The following PPM1H variants were observed in gnomAD, a reference collection of about 807,000 sequenced individuals.
The protein encoded by PPM1H is protein phosphatase 1H.
In PPM1H, 27 loss-of-function variants were observed where a neutral mutation model predicts 54.9. That is an observed-to-expected ratio of 0.49 (90% CI 0.36 to 0.68). The LOEUF is 0.68. PPM1H is among the 30% of genes least tolerant of loss of function. The pLI is 0.00. For missense variants in PPM1H, 596 were observed against 667.8 expected, an observed-to-expected ratio of 0.89 and a Z score of 1.19; for synonymous variants, 305 against 270.8, an observed-to-expected ratio of 1.13 and a Z score of -1.24.
chr12:62,912,972 C>T (rs1271367871), intron 1 of PPM1H, among the ~76,000 whole-genome samples: 1 of 152,160 alleles, frequency 6.6e-6, no homozygotes, highest in Non-Finnish European at 1.5e-5. Context: ...ATAATTTATA[C>T]TCACATTTTG....
chr12:62,679,111 C>T (rs1454354521), intron 8 of PPM1H, among the ~76,000 whole-genome samples: 4 of 152,090 alleles, frequency 2.6e-5, no homozygotes, highest in South Asian at 4.1e-4. Context: ...CTCAGCCTCC[C>T]GAGTAGCTGG....
chr12:62,853,574 T>G (rs972879949), intron 1 of PPM1H, among the ~76,000 whole-genome samples: 2 of 150,432 alleles, frequency 1.3e-5, no homozygotes, highest in Non-Finnish European at 3.0e-5. Context: ...TCAAATGTAG[T>G]TCTCGGTTTC....
chr12:62,922,787 G>T (rs1871841874), intron 1 of PPM1H, among the ~76,000 whole-genome samples: 1 of 152,170 alleles, frequency 6.6e-6, no homozygotes, highest in South Asian at 2.1e-4. Context: ...TACTTCAGAA[G>T]TATGGAAAAC....
intron 6 of PPM1H, among the ~76,000 whole-genome samples, chr12:62,698,852 T>G (rs903060511): frequency 2.0e-5 from 3 of 152,208 alleles, no homozygotes; most frequent in South Asian, 2.1e-4. Flanking sequence ...TATTTTACCC[T>G]GAAGGGAGGA....
intron 9 of PPM1H, among the ~76,000 whole-genome samples, chr12:62,665,328 G>C (rs760091930): frequency 2.0e-5 from 3 of 152,044 alleles, no homozygotes; most frequent in South Asian, 4.1e-4. Context: ...GGATTACAGG[G>C]ATGAGCCACA....
chr12:62,776,109 C>G (rs564195097), intron 4 of PPM1H, among the ~76,000 whole-genome samples: 1 of 152,082 alleles, frequency 6.6e-6, no homozygotes, highest in Non-Finnish European at 1.5e-5. Context: ...TACTCCCCCA[C>G]GACTCAGTTA....
At chr12:62,932,034 C>T (rs1373475986) in intron 1 of PPM1H, among the ~76,000 whole-genome samples, 2 of 150,898 alleles carry the variant, frequency 1.3e-5, no homozygotes, top group East Asian at 3.9e-4. Context: ...AAACATTGAA[C>T]CCTCATTACT....
At chr12:62,852,747 C>A (rs917613383) in intron 1 of PPM1H, among the ~76,000 whole-genome samples, 9 of 152,206 alleles carry the variant, frequency 5.9e-5, no homozygotes, top group Non-Finnish European at 8.8e-5. Context: ...GATAAACATA[C>A]CTTTACAAGG....
At chr12:62,715,597 A>G (rs528676257) in intron 6 of PPM1H, among the ~76,000 whole-genome samples, 2 of 152,248 alleles carry the variant, frequency 1.3e-5, no homozygotes, top group African/African-American at 2.4e-5. Context: ...AAGGATCCCC[A>G]TTAAGAGGCA....
intron 4 of PPM1H, among the ~76,000 whole-genome samples, chr12:62,749,231 A>T (rs1189579211): frequency 6.6e-6 from 1 of 152,218 alleles, no homozygotes; most frequent in Admixed American, 6.5e-5. Flanking sequence ...CACTGTTAAG[A>T]GTATTCATGG....
At chr12:62,875,071 A>C (rs182911323) in intron 1 of PPM1H, among the ~76,000 whole-genome samples, 264 of 152,354 alleles carry the variant, frequency 1.7e-3, no homozygotes, top group African/African-American at 6.1e-3. Flanking sequence ...GCAGATGGCC[A>C]TTCAGTACGT....
chr12:62,898,779 T>C (rs1013104641), intron 1 of PPM1H, among the ~76,000 whole-genome samples: 1 of 152,334 alleles, frequency 6.6e-6, no homozygotes, highest in South Asian at 2.1e-4. Flanking sequence ...GTATGACTCA[T>C]GGAAACTTCA....
rs1419058665 is a variant in PPM1H at position 62,644,009 on chromosome 12, TATATA to T, written c.*4475_*4479del. ...TTGCTGAATATGTCGTATATACATA[TATATA>T]ATATTTTATTTTAAAATGTCATTGA... On this transcript the variant is annotated 3_prime_UTR_variant, in exon 10 of 10. Coordinates refer to ENST00000228705, the MANE Select transcript of PPM1H (RefSeq NM_020700.2). 1.3e-5 allele frequency: 2 copies of T among 152,170 alleles called. No homozygotes were observed. The highest frequency in any genetic ancestry group is 2.9e-5 in the Non-Finnish European group (2 of 68,042). 9.4% of individuals were successfully genotyped at this position (152,170 alleles called of 1,614,324 possible). A position where few individuals can be genotyped will look rare whatever the true frequency, so the allele number is the denominator to read the frequency against.
Position 62,720,714 on chromosome 12 carries a change from T to C in PPM1H, c.955-425A>G, listed in dbSNP as rs77777493. The C allele has an allele frequency of 4.6e-3, 799 of 173,196 alleles. 2 individuals are homozygous for C. Among genetic ancestry groups the C allele is most frequent in the Middle Eastern group, 8.7e-3 (3 of 346 alleles). The allele number at this position is 173,196 out of a possible 1,614,324, so 10.7% of individuals were successfully genotyped here. ...TTTGAAACCTGTGTGTGAGCTTCCA[T>C]GTAAACACAATGGCTTGAGTGCTGG... is the stretch of plus-strand genomic sequence containing the variant. On this transcript the variant is annotated intron_variant, in intron 5 of 9. Transcript: ENST00000228705.
At chr12:62,729,170 C>T (rs1346504177) in intron 5 of PPM1H, among the ~76,000 whole-genome samples, 1 of 151,032 alleles carries the variant, frequency 6.6e-6, no homozygotes, top group East Asian at 1.9e-4. Context: ...CTGAGGGCGG[C>T]TTACGGGCAG....
chr12:62,871,511 CTTTTT>C (rs375570472), intron 1 of PPM1H, among the ~76,000 whole-genome samples: 4 of 119,160 alleles, frequency 3.4e-5, no homozygotes, highest in Non-Finnish European at 5.2e-5. Context: ...AACTGTGGTA[CTTTTT>C]TTTTTTTTTT....
intron 1 of PPM1H, among the ~76,000 whole-genome samples, chr12:62,856,429 TC>T (rs1429729828): frequency 6.6e-6 from 1 of 152,206 alleles, no homozygotes; most frequent in Non-Finnish European, 1.5e-5. Context: ...ATGCCCAGTG[TC>T]CCACAAACCA....
chr12:62,697,975 G>T (rs559459176), intron 6 of PPM1H, among the ~76,000 whole-genome samples: 1 of 152,174 alleles, frequency 6.6e-6, no homozygotes, highest in South Asian at 2.1e-4. Context: ...GAAAAAAAAT[G>T]CAAGGCTTAA....
intron 1 of PPM1H, among the ~76,000 whole-genome samples, chr12:62,900,423 T>A (rs999264875): frequency 1.3e-5 from 2 of 151,806 alleles, no homozygotes; most frequent in Non-Finnish European, 2.9e-5. Flanking sequence ...TATTAGGAGA[T>A]ATACCTAATG....
Sources: gnomAD v4.1 joint callset for allele counts (sites outside exome capture counted in the v4.1 genomes callset) on GRCh38, gnomAD v4.1.1 for gene constraint, MANE v1.5 for transcripts, NCBI Gene and HGNC (gene_info 2026-07-23, HGNC 2026-07-21) for gene names.